The following SVEP1 variants were observed in gnomAD, a reference collection of about 807,000 sequenced individuals.
SVEP1 encodes the protein sushi, von Willebrand factor type A, EGF and pentraxin domain containing 1, also known as sushi, von Willebrand factor type A, EGF and pentraxin domain-containing protein 1.
Under a neutral mutation model 367.3 loss-of-function variants are expected in SVEP1, and 164 were observed. The observed-to-expected ratio is 0.45, with a 90% CI of 0.39 to 0.51. The LOEUF (loss-of-function observed/expected upper bound fraction) is 0.51. SVEP1 is among the 20% of genes least tolerant of loss of function. The pLI is 0.00. For missense variants in SVEP1, 4,117 were observed against 4,425.3 expected, an observed-to-expected ratio of 0.93 and a Z score of 1.98; for synonymous variants, 1,666 against 1,611.6, an observed-to-expected ratio of 1.03 and a Z score of -0.81.
At chr9:110,409,325 G>C (rs1828008048) in intron 37 of SVEP1, among the ~76,000 whole-genome samples, 1 of 152,128 alleles carries the variant, frequency 6.6e-6, no homozygotes, top group Admixed American at 6.5e-5. Context: ...GGGAAGCTGA[G>C]GCAGGAGAAT....
At chr9:110,552,598 G>A (rs1028692197) in intron 1 of SVEP1, among the ~76,000 whole-genome samples, 1 of 151,984 alleles carries the variant, frequency 6.6e-6, no homozygotes, top group Non-Finnish European at 1.5e-5. Flanking sequence ...AGTGATGGGA[G>A]ACAGGGACAG....
At chr9:110,541,816 GATATCTATATATATCTATA>G (rs1830150641) in intron 3 of SVEP1, among the ~76,000 whole-genome samples, 1 of 131,196 alleles carries the variant, frequency 7.6e-6, no homozygotes, top group Non-Finnish European at 1.6e-5. Context: ...TATATACATA[GATATCTATATATATCTATA>G]TACATAGATA....
chr9:110,434,123 C>G (rs1002169716), intron 30 of SVEP1, among the ~76,000 whole-genome samples: 4 of 152,188 alleles, frequency 2.6e-5, no homozygotes, highest in Non-Finnish European at 4.4e-5. Context: ...CTTGCATCAC[C>G]TTGGATGCAT....
chr9:110,389,490 C>T (rs1487034466), intron 41 of SVEP1, 34 bp downstream of exon 41: 1 of 1,608,990 alleles, frequency 6.2e-7, no homozygotes, highest in South Asian at 1.1e-5. Flanking sequence ...TCCTCAGTGT[C>T]ATTTTGGGGG....
At chr9:110,565,128 T>A (rs1830475526) in intron 1 of SVEP1, among the ~76,000 whole-genome samples, 1 of 152,178 alleles carries the variant, frequency 6.6e-6, no homozygotes, top group African/African-American at 2.4e-5. Context: ...ACTAAAATAG[T>A]CAAAAGGAAT....
rs371719006 is a variant in SVEP1 at position 110,549,272 on chromosome 9, T to C, written c.787+577A>G. ...TTATGATTTAATTTTTAAATTATAA[T>C]TTATAATTAAATTATAAGTGATGCA... On this transcript the variant is annotated intron_variant, in intron 2 of 47. Transcript: ENST00000374469. Among the ~76,000 whole-genome samples the C allele has an allele frequency of 1.1e-4, 17 of 152,148 alleles. No homozygotes were observed. In the East Asian group the frequency reaches 3.1e-3, roughly 28 times the overall value.
chr9:110,402,521 G>C (rs1827879757), intron 39 of SVEP1, among the ~76,000 whole-genome samples: 1 of 151,656 alleles, frequency 6.6e-6, no homozygotes, highest in East Asian at 1.9e-4. Flanking sequence ...AAACCCAGTT[G>C]AGCAAAAAAG....
intron 36 of SVEP1, 119 bp downstream of exon 36, chr9:110,427,472 T>C: frequency 8.3e-7 from 1 of 1,206,454 alleles, no homozygotes; most frequent in Non-Finnish European, 1.2e-6. Flanking sequence ...AGCATAAGGC[T>C]CTCTTTGTCT....
Position 110,546,225 on chromosome 9 carries a change from T to C in SVEP1, c.854A>G (p.Lys285Arg). 6.3e-7 allele frequency: 1 copy of C among 1,587,714 alleles called. No individual in the cohort carries two copies. The highest frequency in any genetic ancestry group is 1.7e-4 in the Middle Eastern group (1 of 6,034). The stretch of plus-strand genomic sequence containing the variant: ...GCTTCCCATTCGGTCACAGCAGTCC[T>C]TGCCTTCATCACAAAGATATGAGCA... ...VHCSYLCDEG[K>R]DCCDRMGSCK... Residue 285 changes from lysine to arginine, a missense_variant, in exon 3 of 48, where the codon AAG becomes AGG. By Grantham distance (26) the Lys-to-Arg change is conservative. This residue lies in a region of SVEP1 where 2,174 missense variants were observed against 2,494.3 expected (regional missense o/e 0.87). Transcript: ENST00000374469.
At chr9:110,518,492 T>G (rs1829837997) in intron 3 of SVEP1, among the ~76,000 whole-genome samples, 1 of 152,158 alleles carries the variant, frequency 6.6e-6, no homozygotes, top group South Asian at 2.1e-4. Flanking sequence ...TTTGTTTGTT[T>G]GTTTGTAGAC....
chr9:110,436,967 C>G (rs1022459316), intron 27 of SVEP1, among the ~76,000 whole-genome samples: 11 of 152,138 alleles, frequency 7.2e-5, no homozygotes, highest in Admixed American at 6.5e-4. Flanking sequence ...CAGTATTCAT[C>G]TCTGTAACTT....
intron 14 of SVEP1, 79 bp from the exon 15 acceptor site, chr9:110,472,402 A>C: frequency 1.4e-6 from 2 of 1,395,810 alleles, no homozygotes; most frequent in Non-Finnish European, 1.9e-6. Flanking sequence ...TTAAGCCACA[A>C]GTGAAATTAC....
At chr9:110,524,317 G>T (rs1829914615) in intron 3 of SVEP1, among the ~76,000 whole-genome samples, 1 of 152,042 alleles carries the variant, frequency 6.6e-6, no homozygotes, top group African/African-American at 2.4e-5. Flanking sequence ...TATCAAGCTA[G>T]TGTTACCCTG....
rs1046653 is a variant in SVEP1, at chr9:110,365,558, G to A, written c.*981C>T. 1.3e-5 allele frequency: 2 copies of A among 151,796 alleles called. No homozygotes were observed. The highest frequency in any genetic ancestry group is 2.4e-5 in the African/African-American group (1 of 41,242). The allele number at this position is 151,796 out of a possible 1,614,324, so 9.4% of individuals were successfully genotyped here. A position where few individuals can be genotyped will look rare whatever the true frequency, so the allele number is the denominator to read the frequency against. Reference sequence around the variant, plus strand: ...CTTTATTTTCTGAAGTCTGGGGAAGGCTTCATCTTGGTACAATTGTTGTGA... The same window carrying A: ...CTTTATTTTCTGAAGTCTGGGGAAGACTTCATCTTGGTACAATTGTTGTGA... On this transcript the variant is annotated 3_prime_UTR_variant, in exon 48 of 48. Coordinates refer to ENST00000374469, the MANE Select transcript of SVEP1 (RefSeq NM_153366.4).
intron 21 of SVEP1, 34 bp downstream of exon 21, chr9:110,457,222 T>C (rs918542871): frequency 1.1e-5 from 16 of 1,481,602 alleles, no homozygotes; most frequent in South Asian, 3.7e-5. Flanking sequence ...TCATATAAAA[T>C]ATATTAAAAT....
chr9:110,406,314 T>C lies in SVEP1; in HGVS notation c.9286A>G (p.Ile3096Val). 3 of 1,614,064 alleles carry C rather than the reference T, an allele frequency of 1.9e-6. No homozygotes were observed. The highest frequency in any genetic ancestry group is 2.5e-6 in the Non-Finnish European group (3 of 1,179,898). Residue 3096 changes from isoleucine (I) to valine (V), a missense_variant, in exon 38 of 48, where the codon ATA becomes GTA. Physicochemically the swap from Ile to Val is conservative, Grantham distance 29 (BLOSUM62 3). Transcript: ENST00000374469. Reference protein sequence around the residue: ...ITYSCRSGYVIQGSSDLICTE... With the variant: ...ITYSCRSGYVVQGSSDLICTE... ...CAAATCAGATCTGAACTGCCTTGTA[T>C]GACATATCCAGACCTGCAGCTGTAA...
chr9:110,422,905 G>A (rs1479440396), intron 36 of SVEP1, among the ~76,000 whole-genome samples: 27 of 108,304 alleles, frequency 2.5e-4, no homozygotes, highest in African/African-American at 9.7e-4. Flanking sequence ...TCACTCATAG[G>A]TGGGAATTGA....
intron 37 of SVEP1, among the ~76,000 whole-genome samples, chr9:110,409,668 A>G (rs1279291504): frequency 1.3e-5 from 2 of 152,210 alleles, no homozygotes; most frequent in Non-Finnish European, 2.9e-5. Context: ...TTAGATCATA[A>G]ATAGTCAAAT....
At chr9:110,423,169 A>AAAAAAAAAAAAAAG (rs1828197303) in intron 36 of SVEP1, among the ~76,000 whole-genome samples, 2 of 35,610 alleles carry the variant, frequency 5.6e-5, no homozygotes, top group African/African-American at 1.7e-4. Flanking sequence ...AAAATAAAGT[A>AAAAAAAAAAAAAAG]AAAAAAAAAA....
Sources: allele counts gnomAD v4.1 joint callset (sites outside exome capture counted in the v4.1 genomes callset), GRCh38; gene constraint gnomAD v4.1.1; regional missense constraint gnomAD v4.1.1; transcripts MANE v1.5; gene names NCBI Gene and HGNC (gene_info 2026-07-23, HGNC 2026-07-21).